Variants in RNF149 observed in about 807,000 individuals in gnomAD.
RNF149 encodes E3 ubiquitin-protein ligase RNF149.
Under a neutral mutation model 39.0 loss-of-function variants are expected in RNF149, and 21 were observed. That is an observed-to-expected ratio of 0.54 (90% CI 0.38 to 0.77). RNF149 has a LOEUF of 0.77. Among genes scored for constraint, RNF149 ranks in the 30% least tolerant of loss-of-function variants. The pLI, the probability that RNF149 is intolerant of heterozygous loss-of-function variation, is 0.00. For missense variants in RNF149, 493 were observed against 534.9 expected, an observed-to-expected ratio of 0.92 and a Z score of 0.77; for synonymous variants, 209 against 213.6, an observed-to-expected ratio of 0.98 and a Z score of 0.19.
chr2:101,293,399 A>G (rs1375486932), intron 3 of RNF149, among the ~76,000 whole-genome samples: 1 of 152,214 alleles, frequency 6.6e-6, no homozygotes, highest in Non-Finnish European at 1.5e-5. Flanking sequence ...AATAAATCCT[A>G]TGCATTAGCA....
In RNF149 at chr2:101,289,026, T is replaced by C. The variant is rs747030236; in HGVS notation, c.810A>G (p.Ala270=). 1.6e-5 allele frequency: 25 copies of C among 1,594,622 alleles called. No individual in the cohort carries two copies. The South Asian group carries it at 2.6e-4, about 16-fold the overall frequency. ...KGIDVDAENC[A]VCIENFKVKD... ...TTACTTTGAAATTTTCAATACACAC[T>C]GCACAATTTTCAGCATCAACATCAA... The change falls in exon 4 of 7, where the codon GCA becomes GCG. Residue 270 remains alanine (A), a synonymous_variant. Coordinates refer to ENST00000295317, the MANE Select transcript of RNF149 (RefSeq NM_173647.4).
At position 101,281,951 on chromosome 2, in the gene RNF149, T is replaced by G; in HGVS notation, c.1067A>C (p.Asp356Ala). The change falls in exon 6 of 7, where the codon GAC (aspartate) becomes GCC (alanine). Residue 356 changes from aspartate to alanine, a missense_variant. Asp to Ala is a moderately radical substitution (Grantham distance 126). Coordinates refer to ENST00000295317, the MANE Select transcript of RNF149 (RefSeq NM_173647.4). Reference sequence around the variant, plus strand: ...AGGGGAGGCTGATGGTGGACTGCTGTCATCACTTCCGTCATCATCTGGTAA... The same window carrying G: ...AGGGGAGGCTGATGGTGGACTGCTGGCATCACTTCCGTCATCATCTGGTAA... Reference protein sequence around the residue: ...LALPDDDGSDDSSPPSASPAE... With the variant: ...LALPDDDGSDASSPPSASPAE... The G allele has an allele frequency of 1.9e-6, 3 of 1,614,000 alleles. No homozygotes were observed. The highest frequency in any genetic ancestry group is 2.5e-6 in the Non-Finnish European group (3 of 1,179,928).
rs940789818 is a variant in RNF149 at position 101,276,994 on chromosome 2, T to G, written c.*244A>C. ...GTACCTGCCCCAGTTGTCTTTGTAA[T>G]AGTCTGAAGCAACACACTGTTCATG... On this transcript the variant is annotated 3_prime_UTR_variant, in exon 7 of 7. Transcript: ENST00000295317. The G allele has an allele frequency of 8.2e-6, 10 of 1,219,104 alleles. No homozygotes were observed. In the African/African-American group the frequency reaches 1.6e-4, roughly 19 times the overall value. The allele number at this position is 1,219,104 out of a possible 1,614,324, so 75.5% of individuals were successfully genotyped here. A position where few individuals can be genotyped will look rare whatever the true frequency, so the allele number is the denominator to read the frequency against.
At chr2:101,271,287 T>C (rs754770956), downstream of RNF149, 9 of 152,320 alleles carry the variant, frequency 5.9e-5, no homozygotes, top group Middle Eastern at 3.4e-3. Context: ...TTATAGAACA[T>C]TTTATAAAAC....
chr2:101,307,446 T>C (rs1683708917), intron 1 of RNF149, among the ~76,000 whole-genome samples: 1 of 152,226 alleles, frequency 6.6e-6, no homozygotes. Context: ...CCCAAAGTGC[T>C]GGGATTACAG....
At chr2:101,288,716 C>T in intron 4 of RNF149, 2 of 351,522 alleles carry the variant, frequency 5.7e-6, no homozygotes, top group South Asian at 7.0e-5. Context: ...TCTGATAAAG[C>T]CTTGCTTAGA....
Position 101,277,210 on chromosome 2 carries a change from G to A in RNF149, c.*28C>T. On this transcript the variant is annotated 3_prime_UTR_variant, in exon 7 of 7. Transcript: ENST00000295317. The stretch of plus-strand genomic sequence containing the variant: ...GTCCTTTAGTTCAAGCCAAACTTCT[G>A]TTGGTGCCACTTCAGTGGGCACGTG... 6.2e-7 allele frequency: 1 copy of A among 1,612,776 alleles called. No homozygotes were observed. Among genetic ancestry groups the A allele is most frequent in the Non-Finnish European group, 8.5e-7 (1 of 1,179,350 alleles).
chr2:101,273,410 A>G, downstream of RNF149: 1 of 463,006 alleles, frequency 2.2e-6, no homozygotes, highest in Non-Finnish European at 4.5e-6. Context: ...TTTATTATAC[A>G]TTCCCCCAAT....
In RNF149 at chr2:101,294,932, T is replaced by C; in HGVS notation, c.710A>G (p.Gln237Arg). ...AAATTCAGAGTTATCCATCATTACC[T>C]GACTTCCAATCTGAGAGCCAGTATA... ...FLYTGSQIGSQSHRKETKKVI... is the reference protein window; with the variant it reads ...FLYTGSQIGSRSHRKETKKVI... Residue 237 changes from glutamine (Q) to arginine (R), a missense_variant and splice_region_variant, in exon 2 of 7, where the codon CAG becomes CGG. Coordinates refer to ENST00000295317, the MANE Select transcript of RNF149 (RefSeq NM_173647.4). 1 of 1,608,608 alleles carries C rather than the reference T, an allele frequency of 6.2e-7. No individual in the cohort carries two copies. The highest frequency in any genetic ancestry group is 8.5e-7 in the Non-Finnish European group (1 of 1,175,594).
At chr2:101,274,427 AT>A (rs1177324348), downstream of RNF149, among the ~76,000 whole-genome samples, 3 of 152,210 alleles carry the variant, frequency 2.0e-5, no homozygotes, top group African/African-American at 7.2e-5. Context: ...CCCTGGAATA[AT>A]TCTGTGAAAG....
intron 1 of RNF149, among the ~76,000 whole-genome samples, chr2:101,297,196 C>CAAGAA (rs1476362760): frequency 6.6e-6 from 1 of 151,062 alleles, no homozygotes; most frequent in Non-Finnish European, 1.5e-5. Flanking sequence ...GCGACAAGAG[C>CAAGAA]AAGACTCCAT....
At chr2:101,304,460 T>C (rs759851166) in intron 1 of RNF149, among the ~76,000 whole-genome samples, 1 of 152,156 alleles carries the variant, frequency 6.6e-6, no homozygotes, top group Non-Finnish European at 1.5e-5. Context: ...CACCTGTGCA[T>C]ACTGGAATTA....
At chr2:101,299,196 C>A (rs959498418) in intron 1 of RNF149, among the ~76,000 whole-genome samples, 1 of 152,140 alleles carries the variant, frequency 6.6e-6, no homozygotes, top group Non-Finnish European at 1.5e-5. Context: ...ATATAAAGAA[C>A]GTTCCCTGAC....
At chr2:101,303,515 A>G (rs570831076) in intron 1 of RNF149, among the ~76,000 whole-genome samples, 1 of 152,290 alleles carries the variant, frequency 6.6e-6, no homozygotes, top group African/African-American at 2.4e-5. Flanking sequence ...TTATCCATTC[A>G]TAAAAGACTA....
chr2:101,281,730 G>A (rs1171820088), intron 6 of RNF149, 129 bp downstream of exon 6: 13 of 1,129,762 alleles, frequency 1.2e-5, no homozygotes, highest in Admixed American at 2.0e-5. Flanking sequence ...CAAATTTCTG[G>A]TTACTTACTC....
At chr2:101,305,541 C>T (rs1452262579) in intron 1 of RNF149, among the ~76,000 whole-genome samples, 2 of 152,106 alleles carry the variant, frequency 1.3e-5, no homozygotes, top group South Asian at 2.1e-4. Flanking sequence ...ATAATTTTGT[C>T]GGCCTCTCCC....
At chr2:101,288,524 T>C (rs1422243818) in intron 4 of RNF149, among the ~76,000 whole-genome samples, 1 of 152,094 alleles carries the variant, frequency 6.6e-6, no homozygotes, top group Admixed American at 6.6e-5. Flanking sequence ...CAGCCAGGAA[T>C]ATTGATTTTA....
chr2:101,279,478 T>G (rs758802672), intron 6 of RNF149, among the ~76,000 whole-genome samples: 2 of 152,208 alleles, frequency 1.3e-5, no homozygotes, highest in Non-Finnish European at 2.9e-5. Context: ...AGGGTGCTCA[T>G]GTACTAGAGA....
intron 1 of RNF149, among the ~76,000 whole-genome samples, chr2:101,306,415 G>C (rs902711523): frequency 1.3e-5 from 2 of 152,126 alleles, no homozygotes; most frequent in African/African-American, 4.8e-5. Flanking sequence ...TTGTGCAAAC[G>C]CAGCCTGGGT....
Sources: gnomAD v4.1 joint callset for allele counts (sites outside exome capture counted in the v4.1 genomes callset) on GRCh38, gnomAD v4.1.1 for gene constraint, MANE v1.5 for transcripts, NCBI Gene and HGNC (gene_info 2026-07-23, HGNC 2026-07-21) for gene names.